DAAM2: variants seen among roughly 807,000 people sequenced by gnomAD.
DAAM2 encodes the protein disheveled-associated activator of morphogenesis 2.
In DAAM2, 39 loss-of-function variants were observed where a neutral mutation model predicts 120.7. That is an observed-to-expected ratio of 0.32 (90% CI 0.25 to 0.42). The LOEUF is 0.42. Among genes scored for constraint, DAAM2 ranks in the 10% least tolerant of loss-of-function variants. The probability of loss-of-function intolerance (pLI) is 1.00; values close to 1 mark genes in which losing one functional copy is unlikely to be tolerated. For synonymous variants in DAAM2, 488 were observed against 524.9 expected (o/e 0.93, Z 0.96); for missense variants, 1,283 against 1,401.7 (o/e 0.92, Z 1.35).
At chr6:39,892,608 C>A (rs1765801163) in intron 19 of DAAM2, among the ~76,000 whole-genome samples, 1 of 151,984 alleles carries the variant, frequency 6.6e-6, no homozygotes, top group Non-Finnish European at 1.5e-5. Context: ...GGCTGGGAGG[C>A]TCATTTGTGG....
At chr6:39,883,460 C>G (rs943764705) in intron 14 of DAAM2, 1 of 152,676 alleles carries the variant, frequency 6.5e-6, no homozygotes, top group Non-Finnish European at 1.5e-5. Flanking sequence ...GAGGAAGACC[C>G]TTGGGAAAGA....
chr6:39,878,248 G>A lies in DAAM2; in HGVS notation c.1347G>A (p.Glu449=). Residue 449 remains glutamate, a synonymous_variant, in exon 12 of 25, where the codon GAG becomes GAA. Transcript: ENST00000274867. This position sits in a 1 kb window ranked among gnomAD's most constrained non-coding sequence, Gnocchi z 5.0. ...TGAAACAGTGGCGAGACCAGGCAGA[G>A]AAGTTCCGGAAAGGTGAGGGGCTCT... is the stretch of plus-strand genomic sequence containing the variant. ...NEVKQWRDQA[E]KFRKEHMELV... is the part of the protein sequence containing the mutation. 6.2e-7 allele frequency: 1 copy of A among 1,614,022 alleles called. No individual in the cohort carries two copies.
At chr6:39,846,930 T>C (rs1763617287) in intron 1 of DAAM2, among the ~76,000 whole-genome samples, 2 of 152,138 alleles carry the variant, frequency 1.3e-5, no homozygotes, top group African/African-American at 4.8e-5. Context: ...TGGATCTACA[T>C]TTTCAACCAC....
chr6:39,861,676 C>A, intron 3 of DAAM2: 1 of 157,864 alleles, frequency 6.3e-6, no homozygotes. Context: ...CTCTTGCCCC[C>A]TTTCTATTTT....
intron 7 of DAAM2, among the ~76,000 whole-genome samples, chr6:39,869,274 G>A (rs1032356300): frequency 2.0e-5 from 3 of 152,130 alleles, no homozygotes; most frequent in African/African-American, 7.2e-5. Flanking sequence ...GGGTCAGAAT[G>A]GGATTCTTGA....
At chr6:39,886,542 C>T in intron 15 of DAAM2, 1 of 398,832 alleles carries the variant, frequency 2.5e-6, no homozygotes, top group Admixed American at 4.4e-5. Context: ...CTTGTCCATT[C>T]CACTTTCTAC....
In DAAM2 at chr6:39,856,228, G is replaced by A. The variant is rs917839886; in HGVS notation, c.-56-19G>A. The A allele has an allele frequency of 1.0e-5, 14 of 1,359,100 alleles. No individual in the cohort carries two copies. Among genetic ancestry groups the A allele is most frequent in the South Asian group, 1.9e-5 (1 of 53,296 alleles). 84.2% of individuals were successfully genotyped at this position (1,359,100 alleles called of 1,614,324 possible). A position where few individuals can be genotyped will look rare whatever the true frequency, so the allele number is the denominator to read the frequency against. ...CTGACTGTATGCCTGACCACCCTGT[G>A]TTCTCTCCTCTTGTCCAGATCACAA... is the stretch of plus-strand genomic sequence containing the variant. On this transcript the variant is annotated intron_variant, in intron 1 of 24. Coordinates refer to ENST00000274867, the MANE Select transcript of DAAM2 (RefSeq NM_001201427.2).
At chr6:39,829,812 A>G (rs1762810681) in intron 1 of DAAM2, among the ~76,000 whole-genome samples, 1 of 152,086 alleles carries the variant, frequency 6.6e-6, no homozygotes, top group Non-Finnish European at 1.5e-5. Context: ...TGGGAGTTGA[A>G]GCTGGCACCC....
In DAAM2 at chr6:39,878,284, G is replaced by A; in HGVS notation, c.1360+23G>A. The A allele has an allele frequency of 2.5e-6, 4 of 1,613,668 alleles. No homozygotes were observed. Among genetic ancestry groups the A allele is most frequent in the Non-Finnish European group, 3.4e-6 (4 of 1,179,694 alleles). The stretch of plus-strand genomic sequence containing the variant: ...AAGGTGAGGGGCTCTGCTTAAGCCT[G>A]CTGTCCACTCCACATGCCCTTCCCC... On this transcript the variant is annotated intron_variant, in intron 12 of 24. Transcript: ENST00000274867. This position sits in a 1 kb window ranked among gnomAD's most constrained non-coding sequence, Gnocchi z 5.0.
In DAAM2 at chr6:39,902,163, G is replaced by A. The variant is rs939679473; in HGVS notation, c.*126G>A. On this transcript the variant is annotated 3_prime_UTR_variant, in exon 25 of 25. Transcript: ENST00000274867. ...AGAGCCTTGGGCTGGGTCCTGGGAT[G>A]GGGGGCTGTGTGTGGCTGGACCAGG... is the stretch of plus-strand genomic sequence containing the variant. The A allele has an allele frequency of 6.4e-6, 5 of 780,640 alleles. No individual in the cohort carries two copies. The highest frequency in any genetic ancestry group is 9.8e-6 in the Non-Finnish European group (5 of 511,958). 48.4% of individuals were successfully genotyped at this position (780,640 alleles called of 1,614,324 possible).
Position 39,870,430 on chromosome 6 carries a change from G to T in DAAM2, c.964G>T (p.Ala322Ser). 1 of 1,574,978 alleles carries T rather than the reference G, an allele frequency of 6.3e-7. No individual in the cohort carries two copies. The highest frequency in any genetic ancestry group is 8.6e-7 in the Non-Finnish European group (1 of 1,158,062). Reference sequence around the variant, plus strand: ...TGACAAGCTCCGGCAACATGAAAATGCCATCCTGGACAAGTAAGTTCCAAG... The same window carrying T: ...TGACAAGCTCCGGCAACATGAAAATTCCATCCTGGACAAGTAAGTTCCAAG... Reference protein sequence around the residue: ...VIDKLRQHENAILDKHLDFFE... With the variant: ...VIDKLRQHENSILDKHLDFFE... The change falls in exon 8 of 25, where the codon GCC becomes TCC. Residue 322 changes from alanine (A) to serine (S), a missense_variant. By Grantham distance (99) the Ala-to-Ser change is moderately conservative. Around this residue, in one of 3 missense-constraint regions of DAAM2, gnomAD observed 338 missense variants for 443.9 expected, o/e 0.76. Coordinates refer to ENST00000274867, the MANE Select transcript of DAAM2 (RefSeq NM_001201427.2).
At chr6:39,887,407 G>C in intron 15 of DAAM2, 79 bp from the exon 16 acceptor site, 1 of 915,180 alleles carries the variant, frequency 1.1e-6, no homozygotes, top group Non-Finnish European at 1.7e-6. Flanking sequence ...GGATTGGTAG[G>C]AGGTGGCTCT....
intron 19 of DAAM2, among the ~76,000 whole-genome samples, chr6:39,896,459 T>C (rs1326718555): frequency 3.3e-5 from 5 of 152,196 alleles, no homozygotes; most frequent in African/African-American, 1.2e-4. Flanking sequence ...TGCCTCGGCC[T>C]CCCAAAGTGC....
At chr6:39,872,102 G>A (rs781769788) in intron 9 of DAAM2, among the ~76,000 whole-genome samples, 7 of 152,090 alleles carry the variant, frequency 4.6e-5, no homozygotes, top group Non-Finnish European at 8.8e-5. Flanking sequence ...TGGAGTGATC[G>A]TAGTATGGTA....
chr6:39,897,100 C>T, intron 20 of DAAM2, 75 bp from the exon 21 acceptor site: 1 of 1,519,270 alleles, frequency 6.6e-7, no homozygotes. Context: ...TCTCTTAACA[C>T]TCCATCCTCT....
chr6:39,902,121 C>A lies in DAAM2; in HGVS notation c.*84C>A. On this transcript the variant is annotated 3_prime_UTR_variant, in exon 25 of 25. Transcript: ENST00000274867. Reference sequence around the variant, plus strand: ...GTGGAGGAGGTGGTGATATTTAAACCATTTGGTGCTTGGTTTAGAGCCTTG... The same window carrying A: ...GTGGAGGAGGTGGTGATATTTAAACAATTTGGTGCTTGGTTTAGAGCCTTG... 8.0e-7 allele frequency: 1 copy of A among 1,245,320 alleles called. No homozygotes were observed. The highest frequency in any genetic ancestry group is 1.5e-5 in the South Asian group (1 of 66,908). 77.1% of individuals were successfully genotyped at this position (1,245,320 alleles called of 1,614,324 possible).
chr6:39,821,473 G>C (rs1317790261), intron 1 of DAAM2: 1 of 152,264 alleles, frequency 6.6e-6, no homozygotes, highest in African/African-American at 2.4e-5. Context: ...GGATAAACTT[G>C]GTAAGTGAAA....
intron 15 of DAAM2, chr6:39,886,366 G>C: frequency 2.5e-6 from 1 of 399,364 alleles, no homozygotes; most frequent in Middle Eastern, 6.3e-4. Context: ...GTCCCCAAAT[G>C]TCTTGGCTAA....
chr6:39,864,522 C>G lies in DAAM2; in HGVS notation c.333+15C>G, dbSNP rs1283304788. 1.3e-6 allele frequency: 2 copies of G among 1,598,760 alleles called. No homozygotes were observed. The highest frequency in any genetic ancestry group is 3.4e-5 in the Admixed American group (2 of 58,754). ...CCATGGCTGCGGTGAGTGGCTGCCC[C>G]TCTCCTGCCCTGCCCCCACCTGGAA... On this transcript the variant is annotated intron_variant, in intron 4 of 24. Coordinates refer to ENST00000274867, the MANE Select transcript of DAAM2 (RefSeq NM_001201427.2).
Sources: allele counts gnomAD v4.1 joint callset (sites outside exome capture counted in the v4.1 genomes callset), GRCh38; gene constraint gnomAD v4.1.1; regional missense constraint gnomAD v4.1.1; non-coding constraint Gnocchi (gnomAD v3.1); transcripts MANE v1.5; gene names NCBI Gene and HGNC (gene_info 2026-07-23, HGNC 2026-07-21).